SLC1A7: variants seen among roughly 807,000 people sequenced by gnomAD.
SLC1A7 encodes solute carrier family 1 member 7.
SLC1A7 carries 40 observed loss-of-function variants against 47.7 expected under a neutral mutation model. The observed-to-expected ratio is 0.84, with a 90% CI of 0.65 to 1.09. The LOEUF is 1.09. Ranked by LOEUF, SLC1A7 falls within the 50% of genes least tolerant of loss-of-function variation. SLC1A7 has a pLI of 0.00. For synonymous variants in SLC1A7, 323 were observed against 325.6 expected (o/e 0.99, Z 0.09); for missense variants, 746 against 769.5 (o/e 0.97, Z 0.36).
chr1:53,090,903 C>T (rs934402452), intron 7 of SLC1A7, 97 bp from the exon 8 acceptor site: 36 of 1,548,806 alleles, frequency 2.3e-5, no homozygotes, highest in Non-Finnish European at 2.5e-5. Flanking sequence ...GCCACCCCGC[C>T]AGGAGTGTTT....
chr1:53,092,623 T>C lies in SLC1A7; in HGVS notation c.962A>G (p.Lys321Arg), dbSNP rs755694116. ...ACGGATGAAGACGATGGGATTCTTC[T>C]TGGTGATGAAGAAGTAGAGCAGGGG... ...ILPLLYFFIT[K>R]KNPIVFIRGI... Residue 321 changes from lysine (K) to arginine (R), a missense_variant, in exon 7 of 11, where the codon AAG becomes AGG. Lys to Arg is a conservative substitution (Grantham distance 26, BLOSUM62 2). Transcript: ENST00000371494. 1.9e-6 allele frequency: 3 copies of C among 1,614,110 alleles called. No homozygotes were observed. The Admixed American group carries it at 5.0e-5, about 27-fold the overall frequency.
At chr1:53,130,397 G>A (rs1406898987) in intron 2 of SLC1A7, among the ~76,000 whole-genome samples, 1 of 152,168 alleles carries the variant, frequency 6.6e-6, no homozygotes, top group Non-Finnish European at 1.5e-5. Context: ...TGGAGAGGAG[G>A]TGGGAACAGA....
At position 53,124,892 on chromosome 1, in the gene SLC1A7, G is replaced by A. The variant is rs572375540; in HGVS notation, c.215+9458C>T. Among the ~76,000 whole-genome samples, 141 of 152,366 alleles carry A rather than the reference G, an allele frequency of 9.3e-4. 2 individuals are homozygous for A. The highest frequency in any genetic ancestry group is 3.3e-3 in the African/African-American group (136 of 41,588). On this transcript the variant is annotated intron_variant, in intron 2 of 10. Transcript: ENST00000371494. ...AAAACAGGATCACCAAGGTGAAGGTGCAGCGTGGAAATTCTTATGACATCA... is the reference window on the plus strand; with the variant it reads ...AAAACAGGATCACCAAGGTGAAGGTACAGCGTGGAAATTCTTATGACATCA...
intron 2 of SLC1A7, among the ~76,000 whole-genome samples, chr1:53,117,019 G>A (rs868541842): frequency 2.0e-4 from 31 of 152,348 alleles, no homozygotes; most frequent in Non-Finnish European, 3.8e-4. Context: ...AGAACCGCAA[G>A]GGAAGCGGGG....
intron 3 of SLC1A7, among the ~76,000 whole-genome samples, chr1:53,106,198 T>C (rs1211733123): frequency 6.6e-6 from 1 of 152,036 alleles, no homozygotes; most frequent in Non-Finnish European, 1.5e-5. Context: ...CCCCATATAG[T>C]GGCCGCCTTG....
At chr1:53,112,299 C>T (rs1396931413) in intron 3 of SLC1A7, among the ~76,000 whole-genome samples, 4 of 152,214 alleles carry the variant, frequency 2.6e-5, no homozygotes, top group African/African-American at 9.7e-5. Flanking sequence ...ACAAAGATCA[C>T]AGAGTATAGC....
chr1:53,129,888 CAGAAAAA>C (rs1644924130), intron 2 of SLC1A7, among the ~76,000 whole-genome samples: 3 of 94,820 alleles, frequency 3.2e-5, no homozygotes, highest in African/African-American at 1.2e-4. Context: ...CCTGGGATCT[CAGAAAAA>C]AACAAAGATG....
chr1:53,117,721 A>G (rs1176056041), intron 2 of SLC1A7, among the ~76,000 whole-genome samples: 1 of 152,188 alleles, frequency 6.6e-6, no homozygotes, highest in Non-Finnish European at 1.5e-5. Flanking sequence ...ATTTCAGGAA[A>G]GGATAAAGGC....
intron 5 of SLC1A7, among the ~76,000 whole-genome samples, chr1:53,095,765 C>T (rs114329609): frequency 0.015 from 2,199 of 150,730 alleles, 46 homozygotes; most frequent in African/African-American, 0.05. Flanking sequence ...ACTCACTCCA[C>T]CTTGTTACAC....
At chr1:53,106,976 G>A (rs935392919) in intron 3 of SLC1A7, among the ~76,000 whole-genome samples, 4 of 151,928 alleles carry the variant, frequency 2.6e-5, no homozygotes, top group Admixed American at 2.0e-4. Flanking sequence ...CCAACATGGC[G>A]AAACCCCGTC....
chr1:53,097,489 TCA>T (rs1199687094), intron 5 of SLC1A7, among the ~76,000 whole-genome samples: 1 of 140,040 alleles, frequency 7.1e-6, no homozygotes. Flanking sequence ...CTCAGTACAC[TCA>T]CACACCCCAC....
intron 6 of SLC1A7, among the ~76,000 whole-genome samples, chr1:53,093,156 C>T (rs1048515346): frequency 2.0e-5 from 3 of 152,212 alleles, no homozygotes; most frequent in Non-Finnish European, 4.4e-5. Flanking sequence ...GTCCTTACCG[C>T]CAGCTTTCCT....
intron 2 of SLC1A7, among the ~76,000 whole-genome samples, chr1:53,117,743 C>G (rs537934083): frequency 1.6e-4 from 24 of 152,236 alleles, no homozygotes; most frequent in African/African-American, 5.5e-4. Flanking sequence ...CCTCAGAAGG[C>G]CCCCCACCGG....
At chr1:53,116,921 C>A (rs1644768945) in intron 2 of SLC1A7, among the ~76,000 whole-genome samples, 1 of 152,230 alleles carries the variant, frequency 6.6e-6, no homozygotes, top group Non-Finnish European at 1.5e-5. Flanking sequence ...TCAAGGAGTT[C>A]CTAATCTGCC....
chr1:53,124,154 G>C (rs1679970), intron 2 of SLC1A7, among the ~76,000 whole-genome samples: 1 of 152,206 alleles, frequency 6.6e-6, no homozygotes, highest in African/African-American at 2.4e-5. Context: ...GGAGAAGGGA[G>C]TGTTGAGTTT....
chr1:53,116,172 G>A (rs1644758488), intron 2 of SLC1A7: 1 of 152,302 alleles, frequency 6.6e-6, no homozygotes, highest in Non-Finnish European at 1.5e-5. Context: ...CCCCCAGCGG[G>A]AGCCACCGCC....
At chr1:53,135,686 TA>T (rs56817579) in intron 1 of SLC1A7, among the ~76,000 whole-genome samples, 158 of 148,280 alleles carry the variant, frequency 1.1e-3, no homozygotes, top group Admixed American at 2.6e-3. Flanking sequence ...ATTCTTATAC[TA>T]AAAAAAAAAA....
chr1:53,137,065 T>A (rs1645008296), intron 1 of SLC1A7, among the ~76,000 whole-genome samples: 1 of 152,048 alleles, frequency 6.6e-6, no homozygotes, highest in African/African-American at 2.4e-5. Flanking sequence ...GGTAGGTGGA[T>A]CACTTGAGGT....
chr1:53,087,599 C>G lies in SLC1A7; in HGVS notation c.*410G>C. The G allele has an allele frequency of 6.5e-6, 1 of 154,290 alleles. No homozygotes were observed. 9.6% of individuals were successfully genotyped at this position (154,290 alleles called of 1,614,324 possible). ...GGGCCTGGACACAGCTGCAGGCTGC[C>G]CTGTCCTCCAAGAGGAGAGGCGGGG... is the stretch of plus-strand genomic sequence containing the variant. On this transcript the variant is annotated 3_prime_UTR_variant, in exon 11 of 11. Transcript: ENST00000371494.
Sources: gnomAD v4.1 joint callset for allele counts (sites outside exome capture counted in the v4.1 genomes callset) on GRCh38, gnomAD v4.1.1 for gene constraint, MANE v1.5 for transcripts, NCBI Gene and HGNC (gene_info 2026-07-23, HGNC 2026-07-21) for gene names.